TENM3: variants seen among roughly 807,000 people sequenced by gnomAD.
TENM3 encodes the protein teneurin transmembrane protein 3.
In TENM3, 63 loss-of-function variants were observed where a neutral mutation model predicts 255.1. The ratio of observed to expected loss-of-function variants is 0.25; its 90% confidence interval spans 0.20 to 0.30. The LOEUF (loss-of-function observed/expected upper bound fraction) is 0.30. Ranked by LOEUF, TENM3 falls within the 10% of genes least tolerant of loss-of-function variation. The pLI, the probability that TENM3 is intolerant of heterozygous loss-of-function variation, is 1.00. For synonymous variants in TENM3, 1,306 were observed against 1,322.3 expected, an observed-to-expected ratio of 0.99 and a Z score of 0.27; for missense variants, 2,929 against 3,461.1, an observed-to-expected ratio of 0.85 and a Z score of 3.86.
chr4:182,691,880 A>C (rs17073850), intron 12 of TENM3, among the ~76,000 whole-genome samples: 15,387 of 152,264 alleles, frequency 0.1, 1,028 homozygotes, highest in African/African-American at 0.18. Flanking sequence ...AAAATGATTT[A>C]ACAGTAATAG....
chr4:182,197,025 G>A (rs867493917), intron 1 of TENM3, among the ~76,000 whole-genome samples: 9 of 152,012 alleles, frequency 5.9e-5, no homozygotes, highest in South Asian at 4.2e-4. Flanking sequence ...TCCCATCCTC[G>A]GAGTTGCTGT....
the TENM3 span, among the ~76,000 whole-genome samples, chr4:181,991,418 G>T: frequency 6.6e-6 from 1 of 152,090 alleles, no homozygotes; most frequent in Admixed American, 6.6e-5. Flanking sequence ...TATGTAAAAG[G>T]TTTCCGCCTA....
At chr4:181,896,458 T>A in the TENM3 span, among the ~76,000 whole-genome samples, 1 of 152,200 alleles carries the variant, frequency 6.6e-6, no homozygotes, top group African/African-American at 2.4e-5. Context: ...AGAACAATGT[T>A]CTCAAAGACA....
the TENM3 span, among the ~76,000 whole-genome samples, chr4:181,665,772 T>G: frequency 6.6e-6 from 1 of 152,244 alleles, no homozygotes; most frequent in Non-Finnish European, 1.5e-5. Context: ...CATTCTTCTT[T>G]ATTTTTGGTA....
At chr4:181,591,680 T>A in the TENM3 span, among the ~76,000 whole-genome samples, 1 of 152,200 alleles carries the variant, frequency 6.6e-6, no homozygotes, top group Non-Finnish European at 1.5e-5. Flanking sequence ...CATTACATTC[T>A]CATAGGAGCA....
the TENM3 span, among the ~76,000 whole-genome samples, chr4:182,028,935 G>A: frequency 6.6e-6 from 1 of 152,142 alleles, no homozygotes; most frequent in Non-Finnish European, 1.5e-5. Context: ...TGGATGAAAT[G>A]TTCTATAAAT....
the TENM3 span, among the ~76,000 whole-genome samples, chr4:182,097,989 A>T: frequency 6.6e-6 from 1 of 152,338 alleles, no homozygotes; most frequent in Non-Finnish European, 1.5e-5. Flanking sequence ...GGAAAAAAAA[A>T]TCCCAAAGAA....
the TENM3 span, among the ~76,000 whole-genome samples, chr4:182,136,050 A>G: frequency 6.6e-6 from 1 of 152,308 alleles, no homozygotes; most frequent in East Asian, 1.9e-4. Flanking sequence ...TATTTTGGAA[A>G]CATCAGTTGG....
the TENM3 span, among the ~76,000 whole-genome samples, chr4:181,504,879 C>G: frequency 1.3e-5 from 2 of 152,158 alleles, no homozygotes; most frequent in African/African-American, 4.8e-5. Flanking sequence ...TCATATTAAT[C>G]CCTAATAACA....
chr4:182,454,547 C>T (rs546504504), intron 3 of TENM3, among the ~76,000 whole-genome samples: 1 of 152,270 alleles, frequency 6.6e-6, no homozygotes, highest in African/African-American at 2.4e-5. Flanking sequence ...GACTTGCCAA[C>T]CTCGATTTTA....
At chr4:182,353,495 T>C (rs1379311656) in intron 3 of TENM3, among the ~76,000 whole-genome samples, 1 of 152,206 alleles carries the variant, frequency 6.6e-6, no homozygotes, top group African/African-American at 2.4e-5. Flanking sequence ...AGTGCTGCTT[T>C]ACAAAATGCC....
chr4:181,822,030 A>G, the TENM3 span, among the ~76,000 whole-genome samples: 1,018 of 152,322 alleles, frequency 6.7e-3, 19 homozygotes, highest in African/African-American at 0.023. Context: ...CTAAAGAACA[A>G]GAGAGCTTTT....
At chr4:182,050,494 C>T in the TENM3 span, among the ~76,000 whole-genome samples, 2 of 152,138 alleles carry the variant, frequency 1.3e-5, no homozygotes, top group Non-Finnish European at 2.9e-5. Flanking sequence ...GAGACTAGTG[C>T]AGAATTTCTG....
chr4:181,682,336 C>T, the TENM3 span, among the ~76,000 whole-genome samples: 1 of 152,092 alleles, frequency 6.6e-6, no homozygotes, highest in African/African-American at 2.4e-5. Flanking sequence ...TTTTCCAAGA[C>T]ATTTTTCCCT....
intron 1 of TENM3, among the ~76,000 whole-genome samples, chr4:182,258,545 G>A (rs866050983): frequency 1.4e-4 from 22 of 151,880 alleles, no homozygotes; most frequent in African/African-American, 4.8e-4. Context: ...AAAAAATACA[G>A]CAAAGAAGAA....
chr4:182,318,086 C>T lies in TENM3; in HGVS notation c.-75-5860C>T, dbSNP rs541669268. 7.6e-4 allele frequency among the ~76,000 whole-genome samples: 116 copies of T among 152,168 alleles called. 1 individual carries two copies. Among genetic ancestry groups the T allele is most frequent in the African/African-American group, 2.5e-3 (103 of 41,518 alleles). On this transcript the variant is annotated intron_variant, in intron 1 of 27. Coordinates refer to ENST00000511685, the MANE Select transcript of TENM3 (RefSeq NM_001080477.4). Reference sequence around the variant, plus strand: ...CTGGTTATTGTGGGGGTGAGCTTTTCCAGACTATAATAAAGATAGGAGGAC... The same window carrying T: ...CTGGTTATTGTGGGGGTGAGCTTTTTCAGACTATAATAAAGATAGGAGGAC...
chr4:182,491,580 A>C (rs1396068346), intron 3 of TENM3, among the ~76,000 whole-genome samples: 1 of 152,154 alleles, frequency 6.6e-6, no homozygotes, highest in Non-Finnish European at 1.5e-5. Context: ...AGTGTTTTCA[A>C]ATTTGTTGAA....
the TENM3 span, among the ~76,000 whole-genome samples, chr4:181,924,203 A>G: frequency 3.3e-5 from 5 of 152,174 alleles, no homozygotes; most frequent in Non-Finnish European, 7.3e-5. Flanking sequence ...GGCTACAGGC[A>G]AACCCACTGT....
At chr4:182,438,925 G>T in intron 3 of TENM3, among the ~76,000 whole-genome samples, 1 of 152,150 alleles carries the variant, frequency 6.6e-6, no homozygotes, top group East Asian at 1.9e-4. Context: ...TTTTTACAGT[G>T]GTTTCTATTT....
Sources: allele counts gnomAD v4.1 joint callset (sites outside exome capture counted in the v4.1 genomes callset), GRCh38; gene constraint gnomAD v4.1.1; transcripts MANE v1.5; gene names NCBI Gene and HGNC (gene_info 2026-07-23, HGNC 2026-07-21).